MEGF8: variants seen among roughly 807,000 people sequenced by gnomAD.
MEGF8 encodes multiple epidermal growth factor-like domains protein 8.
MEGF8 carries 156 observed loss-of-function variants against 302.9 expected under a neutral mutation model. That is an observed-to-expected ratio of 0.52 (90% confidence interval 0.45 to 0.59). The LOEUF is 0.59. MEGF8 is among the 20% of genes least tolerant of loss of function. MEGF8 has a pLI of 0.00. For synonymous variants in MEGF8, 1,621 were observed against 1,660.5 expected (o/e 0.98, Z 0.58); for missense variants, 3,345 against 3,964.5 (o/e 0.84, Z 4.20).
At chr19:42,326,457 C>CT in intron 1 of MEGF8, 27 bp downstream of exon 1, 1 of 1,503,934 alleles carries the variant, frequency 6.6e-7, no homozygotes, top group Non-Finnish European at 8.8e-7. Context: ...GGGTCACTCA[C>CT]TAATTCGCTG....
In MEGF8 at chr19:42,358,236, TC is replaced by T; in HGVS notation, c.5109del (p.Glu1704SerfsTer26). 1.9e-6 allele frequency: 3 copies of T among 1,598,032 alleles called. No individual in the cohort carries two copies. The highest frequency in any genetic ancestry group is 2.6e-6 in the Non-Finnish European group (3 of 1,173,600). On this transcript the variant is annotated frameshift_variant, in exon 29 of 42. Coordinates refer to ENST00000251268, the MANE Select transcript of MEGF8 (RefSeq NM_001271938.2). LOFTEE classifies it high-confidence loss of function. The surrounding 1 kb of genome is among the most constrained non-coding windows in gnomAD (Gnocchi z 4.4). ...FRFHVELAAP[S>X]PELYSLHCPD... is the part of the protein sequence containing the mutation. Reference sequence around the variant, plus strand: ...ATTCCATGTGGAGCTGGCGGCCCCATCCCCCGAGCTCTACTCCCTGCACTGT... The same window carrying T: ...ATTCCATGTGGAGCTGGCGGCCCCATCCCCGAGCTCTACTCCCTGCACTGT...
chr19:42,334,612 C>A (rs1020060322), intron 3 of MEGF8, among the ~76,000 whole-genome samples: 3 of 152,142 alleles, frequency 2.0e-5, no homozygotes, highest in African/African-American at 4.8e-5. Flanking sequence ...ATCTGGATTG[C>A]GCTTTGAGCC....
chr19:42,353,202 C>T lies in MEGF8; in HGVS notation c.3550+75C>T, dbSNP rs567319061. ...CTTCTTGGGGCTCCAGTTTGCTCTT[C>T]TTGGAGGGGGCCTCAGTGTCCTCTC... On this transcript the variant is annotated intron_variant, in intron 20 of 41. Coordinates refer to ENST00000251268, the MANE Select transcript of MEGF8 (RefSeq NM_001271938.2). The surrounding 1 kb of genome is among the most constrained non-coding windows in gnomAD (Gnocchi z 6.1). The T allele has an allele frequency of 2.9e-6, 4 of 1,373,592 alleles. No homozygotes were observed. The African/African-American group carries it at 5.9e-5, about 20-fold the overall frequency. The allele number at this position is 1,373,592 out of a possible 1,614,324, so 85.1% of individuals were successfully genotyped here.
intron 8 of MEGF8, among the ~76,000 whole-genome samples, chr19:42,338,139 G>A (rs1201695918): frequency 2.0e-5 from 3 of 152,108 alleles, no homozygotes; most frequent in African/African-American, 7.2e-5. Context: ...AGTGGTACAA[G>A]TACAGGTTTA....
At position 42,326,273 on chromosome 19, in the gene MEGF8, A is replaced by C; in HGVS notation, c.30A>C (p.Ala10=). MALGKVLAM[A]LVLALAVLGS... The stretch of plus-strand genomic sequence containing the variant: ...CCCTGGGCAAGGTTCTGGCCATGGC[A>C]CTGGTTTTGGCCTTGGCCGTGCTGG... The change falls in exon 1 of 42, where the codon GCA becomes GCC. Residue 10 remains alanine (A), a synonymous_variant. Transcript: ENST00000251268. 1.3e-6 allele frequency: 2 copies of C among 1,555,172 alleles called. No individual in the cohort carries two copies. Among genetic ancestry groups the C allele is most frequent in the Non-Finnish European group, 1.7e-6 (2 of 1,158,682 alleles).
Position 42,376,530 on chromosome 19 carries a change from G to C in MEGF8, c.8293G>C (p.Ala2765Pro), listed in dbSNP as rs2039773448. The change falls in exon 42 of 42, where the codon GCT becomes CCT. Residue 2765 changes from alanine (A) to proline (P), a missense_variant. Coordinates refer to ENST00000251268, the MANE Select transcript of MEGF8 (RefSeq NM_001271938.2). This position sits in a 1 kb window ranked among gnomAD's most constrained non-coding sequence, Gnocchi z 8.2. ...AIPATTAGLR[A>P]GPITLEPTED... is the part of the protein sequence containing the mutation. ...CCCCGCCACCACTGCTGGGCTGCGAGCTGGGCCCATCACTCTCGAGCCCAC... is the reference window on the plus strand; with the variant it reads ...CCCCGCCACCACTGCTGGGCTGCGACCTGGGCCCATCACTCTCGAGCCCAC... 6.4e-7 allele frequency: 1 copy of C among 1,569,812 alleles called. No individual in the cohort carries two copies. The highest frequency in any genetic ancestry group is 8.6e-7 in the Non-Finnish European group (1 of 1,160,564).
rs547785274 is a variant in MEGF8, at chr19:42,369,201, C to T, written c.6641+199C>T. Among the ~76,000 whole-genome samples, 44 of 152,228 alleles carry T rather than the reference C, an allele frequency of 2.9e-4. No individual in the cohort carries two copies. Among genetic ancestry groups the T allele is most frequent in the African/African-American group, 1.0e-3 (43 of 41,542 alleles). ...GAGTTTCATAGGGTACCCCAATGGC[C>T]GGGCACAGTGGCTGATGCCTGTAAT... is the stretch of plus-strand genomic sequence containing the variant. On this transcript the variant is annotated intron_variant, in intron 37 of 41. Coordinates refer to ENST00000251268, the MANE Select transcript of MEGF8 (RefSeq NM_001271938.2). The surrounding 1 kb of genome is among the most constrained non-coding windows in gnomAD (Gnocchi z 5.7).
At chr19:42,350,839 A>C (rs11668939) in intron 15 of MEGF8, among the ~76,000 whole-genome samples, 20,794 of 152,158 alleles carry the variant, frequency 0.14, 1,838 homozygotes, top group Admixed American at 0.21. Context: ...CCCCACCACC[A>C]TCCAGGAGCT....
At chr19:42,330,391 A>T (rs1183038050) in intron 1 of MEGF8, among the ~76,000 whole-genome samples, 1 of 152,314 alleles carries the variant, frequency 6.6e-6, no homozygotes, top group East Asian at 1.9e-4. Context: ...GGCCTCCAGC[A>T]GGCACTTAAC....
Position 42,348,441 on chromosome 19 carries a change from G to A in MEGF8, c.2267G>A (p.Arg756Gln), listed in dbSNP as rs1315012536. 2.8e-5 allele frequency: 43 copies of A among 1,529,602 alleles called. No individual in the cohort carries two copies. The highest frequency in any genetic ancestry group is 4.8e-5 in the South Asian group (4 of 83,756). The allele number at this position is 1,529,602 out of a possible 1,614,324, so 94.8% of individuals were successfully genotyped here. Residue 756 changes from arginine (R) to glutamine (Q), a missense_variant, in exon 13 of 42, where the codon CGG becomes CAG. Physicochemically the swap from Arg to Gln is conservative, Grantham distance 43. Coordinates refer to ENST00000251268, the MANE Select transcript of MEGF8 (RefSeq NM_001271938.2). ...GCCCAGCGCCTACACGTCCTGGCCC[G>A]GATGGCCCGTGGCCCTGACACGGAG... ...TRAQRLHVLA[R>Q]MARGPDTENM...
chr19:42,338,187 A>G (rs2039158661), intron 8 of MEGF8, among the ~76,000 whole-genome samples: 1 of 151,818 alleles, frequency 6.6e-6, no homozygotes, highest in Non-Finnish European at 1.5e-5. Flanking sequence ...GATTTGGTGT[A>G]CTGATTATTT....
Position 42,356,748 on chromosome 19 carries a change from G to C in MEGF8, c.4623-26G>C. ...AGGATGCTGGGATGACTGTAATGAG[G>C]CTGCTTTTTTGCACCCTGGCCCCAG... On this transcript the variant is annotated intron_variant, in intron 26 of 41. Coordinates refer to ENST00000251268, the MANE Select transcript of MEGF8 (RefSeq NM_001271938.2). The surrounding 1 kb of genome is among the most constrained non-coding windows in gnomAD (Gnocchi z 5.2). 1 of 1,531,238 alleles carries C rather than the reference G, an allele frequency of 6.5e-7. No individual in the cohort carries two copies. Among genetic ancestry groups the C allele is most frequent in the Non-Finnish European group, 8.8e-7 (1 of 1,135,226 alleles). The allele number at this position is 1,531,238 out of a possible 1,614,324, so 94.9% of individuals were successfully genotyped here. A position where few individuals can be genotyped will look rare whatever the true frequency, so the allele number is the denominator to read the frequency against.
At chr19:42,373,046 C>T (rs1311976649) in intron 41 of MEGF8, among the ~76,000 whole-genome samples, 1 of 151,862 alleles carries the variant, frequency 6.6e-6, no homozygotes, top group African/African-American at 2.4e-5. Context: ...TAAATCAGAC[C>T]TCCTCCTCTA....
At position 42,363,159 on chromosome 19, in the gene MEGF8, G is replaced by A; in HGVS notation, c.6170G>A (p.Cys2057Tyr). 1 of 1,612,462 alleles carries A rather than the reference G, an allele frequency of 6.2e-7. No homozygotes were observed. The highest frequency in any genetic ancestry group is 8.5e-7 in the Non-Finnish European group (1 of 1,179,310). ...MPVESSPPLP[C>Y]PTPCHLLPNC... ...GTGGAATCATCACCCCCACTGCCCT[G>A]CCCCACCCCTTGTCACCTCCTACCC... The change falls in exon 35 of 42, where the codon TGC (cysteine) becomes TAC (tyrosine). Residue 2057 changes from cysteine to tyrosine, a missense_variant. By Grantham distance (194) the Cys-to-Tyr change is radical. Transcript: ENST00000251268.
rs1330075223 is a variant in MEGF8, at chr19:42,356,353, C to A, written c.4522C>A (p.Leu1508Met). Residue 1508 changes from leucine to methionine, a missense_variant, in exon 26 of 42, where the codon CTG (leucine) becomes ATG (methionine). Coordinates refer to ENST00000251268, the MANE Select transcript of MEGF8 (RefSeq NM_001271938.2). This position sits in a 1 kb window ranked among gnomAD's most constrained non-coding sequence, Gnocchi z 5.2. Reference sequence around the variant, plus strand: ...CCCCTAGGACACTGCCAGCCGCTTCCTGCACCGCCTGGGCCACACCATGGT... The same window carrying A: ...CCCCTAGGACACTGCCAGCCGCTTCATGCACCGCCTGGGCCACACCATGGT... ...RLSADTASRF[L>M]HRLGHTMVDG... 4 of 1,612,844 alleles carry A rather than the reference C, an allele frequency of 2.5e-6. No individual in the cohort carries two copies. The highest frequency in any genetic ancestry group is 3.4e-6 in the Non-Finnish European group (4 of 1,179,548).
rs1289426983 is a variant in MEGF8, at chr19:42,353,004, T to C, written c.3427T>C (p.Ser1143Pro). ...CTGCGTGTGTGACCTAGGCTGGACA[T>C]CAGACCTGCCCCCTCCCACACCCGC... is the stretch of plus-strand genomic sequence containing the variant. ...FTCVCDLGWT[S>P]DLPPPTPAPG... Residue 1143 changes from serine (S) to proline (P), a missense_variant, in exon 20 of 42, where the codon TCA (serine) becomes CCA (proline). Physicochemically the swap from Ser to Pro is moderately conservative, Grantham distance 74. Coordinates refer to ENST00000251268, the MANE Select transcript of MEGF8 (RefSeq NM_001271938.2). The surrounding 1 kb of genome is among the most constrained non-coding windows in gnomAD (Gnocchi z 6.1). The C allele has an allele frequency of 6.3e-7, 1 of 1,581,600 alleles. No homozygotes were observed. Among genetic ancestry groups the C allele is most frequent in the East Asian group, 2.3e-5 (1 of 42,926 alleles).
At chr19:42,370,580 G>A (rs1157228444) in intron 39 of MEGF8, 121 bp from the exon 40 acceptor site, 115 of 1,176,018 alleles carry the variant, frequency 9.8e-5, no homozygotes, top group South Asian at 3.6e-4. Flanking sequence ...AGGGAGGAGG[G>A]GGTGGGAGCC....
At position 42,336,174 on chromosome 19, in the gene MEGF8, C is replaced by G; in HGVS notation, c.1072C>G (p.Leu358Val). ...YVSGGRTPHDLFSSGLFRFRL... is the reference protein window; with the variant it reads ...YVSGGRTPHDVFSSGLFRFRL... ...GTCTGGAGGCCGCACCCCGCACGACCTCTTCTCCTCTGGCCTCTTCCGTTT... is the reference window on the plus strand; with the variant it reads ...GTCTGGAGGCCGCACCCCGCACGACGTCTTCTCCTCTGGCCTCTTCCGTTT... The change falls in exon 6 of 42, where the codon CTC becomes GTC. Residue 358 changes from leucine (L) to valine (V), a missense_variant. Leu to Val is a conservative substitution (Grantham distance 32). Coordinates refer to ENST00000251268, the MANE Select transcript of MEGF8 (RefSeq NM_001271938.2). The surrounding 1 kb of genome is among the most constrained non-coding windows in gnomAD (Gnocchi z 4.8). 6.2e-7 allele frequency: 1 copy of G among 1,610,962 alleles called. No individual in the cohort carries two copies. The highest frequency in any genetic ancestry group is 1.1e-5 in the South Asian group (1 of 91,086).
chr19:42,376,350 C>T lies in MEGF8; in HGVS notation c.8113C>T (p.Pro2705Ser). The change falls in exon 42 of 42, where the codon CCA (proline) becomes TCA (serine). Residue 2705 changes from proline to serine, a missense_variant. Transcript: ENST00000251268. This position sits in a 1 kb window ranked among gnomAD's most constrained non-coding sequence, Gnocchi z 8.2. ...CTTCGCCAAGGTCACCGTCTGCTTC[C>T]CACCTGACCCTACTGCCCCGGCCTC... ...RPFAKVTVCF[P>S]PDPTAPASAW... The T allele has an allele frequency of 6.2e-7, 1 of 1,613,598 alleles. No homozygotes were observed. Among genetic ancestry groups the T allele is most frequent in the Non-Finnish European group, 8.5e-7 (1 of 1,179,826 alleles).
Sources: allele counts gnomAD v4.1 joint callset (sites outside exome capture counted in the v4.1 genomes callset), GRCh38; gene constraint gnomAD v4.1.1; non-coding constraint Gnocchi (gnomAD v3.1); transcripts MANE v1.5; gene names NCBI Gene and HGNC (gene_info 2026-07-23, HGNC 2026-07-21).